The following PLCB4 variants were observed in gnomAD, a reference collection of about 807,000 sequenced individuals.
The protein encoded by PLCB4 is 1-phosphatidylinositol 4,5-bisphosphate phosphodiesterase beta-4.
In PLCB4, 77 loss-of-function variants were observed where a neutral mutation model predicts 178.8. That is an observed-to-expected ratio of 0.43 (90% CI 0.36 to 0.52). The LOEUF is 0.52. PLCB4 is among the 20% of genes least tolerant of loss of function. The pLI is 0.00. For synonymous variants in PLCB4, 496 were observed against 490.8 expected (o/e 1.01, Z -0.14); for missense variants, 1,024 against 1,453.4 (o/e 0.70, Z 4.80).
chr20:9,318,387 A>AGTCCAGGTGG (rs1204118447), intron 4 of PLCB4, among the ~76,000 whole-genome samples: 3 of 152,116 alleles, frequency 2.0e-5, no homozygotes, highest in Admixed American at 2.0e-4. Context: ...GGGGTTGGCA[A>AGTCCAGGTGG]GTCCAGGTGG....
At chr20:9,086,045 T>C (rs976587819) in intron 1 of PLCB4, among the ~76,000 whole-genome samples, 2 of 152,160 alleles carry the variant, frequency 1.3e-5, no homozygotes, top group Admixed American at 1.3e-4. Flanking sequence ...ATTTAAAATG[T>C]GTTAATTATG....
intron 2 of PLCB4, among the ~76,000 whole-genome samples, chr20:9,208,944 C>T (rs1004889444): frequency 1.3e-5 from 2 of 152,188 alleles, no homozygotes; most frequent in Admixed American, 6.5e-5. Context: ...TTGGTTAACA[C>T]CATGTACAAA....
intron 3 of PLCB4, among the ~76,000 whole-genome samples, chr20:9,306,782 G>A (rs2094772512): frequency 6.6e-6 from 1 of 152,186 alleles, no homozygotes; most frequent in South Asian, 2.1e-4. Context: ...TTGCCAACAA[G>A]GATGGGTAAA....
intron 13 of PLCB4, among the ~76,000 whole-genome samples, chr20:9,381,889 T>G (rs2037174267): frequency 6.6e-6 from 1 of 152,110 alleles, no homozygotes; most frequent in Non-Finnish European, 1.5e-5. Context: ...AGCGGCACAG[T>G]TCTCAGATCT....
intron 25 of PLCB4, among the ~76,000 whole-genome samples, chr20:9,416,426 G>C (rs1183851756): frequency 6.6e-6 from 1 of 152,164 alleles, no homozygotes; most frequent in Non-Finnish European, 1.5e-5. Flanking sequence ...TCGGGAGGCA[G>C]AATCCCTCAT....
chr20:9,460,925 C>T (rs2043348604), intron 35 of PLCB4, among the ~76,000 whole-genome samples: 1 of 152,164 alleles, frequency 6.6e-6, no homozygotes, highest in African/African-American at 2.4e-5. Context: ...GCTGTACCCC[C>T]ATGCATTTTA....
intron 28 of PLCB4, among the ~76,000 whole-genome samples, chr20:9,434,210 A>G (rs1218964141): frequency 6.6e-6 from 1 of 152,242 alleles, no homozygotes. Context: ...AATGGTGCAG[A>G]AAACTATGAA....
At chr20:9,187,095 C>G (rs2093339108) in intron 2 of PLCB4, among the ~76,000 whole-genome samples, 1 of 152,090 alleles carries the variant, frequency 6.6e-6, no homozygotes. Flanking sequence ...CTGCCTCAGC[C>G]TCCCTGAGGG....
At chr20:9,074,027 G>A (rs1486130167) in intron 1 of PLCB4, among the ~76,000 whole-genome samples, 2 of 152,182 alleles carry the variant, frequency 1.3e-5, no homozygotes, top group East Asian at 1.9e-4. Flanking sequence ...GGCTGGGTGG[G>A]TGTTTTCACT....
intron 2 of PLCB4, among the ~76,000 whole-genome samples, chr20:9,112,116 G>C (rs945751095): frequency 6.6e-6 from 1 of 152,026 alleles, no homozygotes; most frequent in Non-Finnish European, 1.5e-5. Context: ...TTAACTCTTA[G>C]CATTTCATAA....
intron 25 of PLCB4, among the ~76,000 whole-genome samples, chr20:9,413,901 CCCA>C (rs2040056208): frequency 6.6e-6 from 1 of 152,036 alleles, no homozygotes; most frequent in Non-Finnish European, 1.5e-5. Flanking sequence ...GCTAGGGGTG[CCCA>C]CCACCACACA....
At chr20:9,411,137 C>A in intron 25 of PLCB4, 49 bp downstream of exon 25, 2 of 1,227,552 alleles carry the variant, frequency 1.6e-6, no homozygotes, top group Non-Finnish European at 2.4e-6. Flanking sequence ...GAACTCCATA[C>A]TACAGCTCTA....
At chr20:9,106,227 C>T (rs1448726836) in intron 2 of PLCB4, among the ~76,000 whole-genome samples, 1 of 151,648 alleles carries the variant, frequency 6.6e-6, no homozygotes, top group Non-Finnish European at 1.5e-5. Flanking sequence ...CAAATTAAAC[C>T]AACAGTGGTA....
chr20:9,471,991 G>A (rs958069506), intron 36 of PLCB4, among the ~76,000 whole-genome samples: 8 of 152,184 alleles, frequency 5.3e-5, no homozygotes, highest in African/African-American at 1.4e-4. Flanking sequence ...GCACCCGATC[G>A]TTGTAGCGTT....
intron 28 of PLCB4, among the ~76,000 whole-genome samples, chr20:9,429,389 TG>T (rs1407159049): frequency 2.0e-5 from 3 of 152,036 alleles, no homozygotes; most frequent in Non-Finnish European, 4.4e-5. Context: ...CTAAACTAAA[TG>T]GGAAATAGGC....
At chr20:9,468,542 C>A in intron 35 of PLCB4, 29 bp from the exon 36 acceptor site, 1 of 1,334,194 alleles carries the variant, frequency 7.5e-7, no homozygotes, top group Non-Finnish European at 1.1e-6. Flanking sequence ...TCCCCCCTCC[C>A]TGTTTGTTTT....
chr20:9,129,317 C>A (rs1264403938), intron 2 of PLCB4, among the ~76,000 whole-genome samples: 1 of 152,110 alleles, frequency 6.6e-6, no homozygotes, highest in Non-Finnish European at 1.5e-5. Context: ...TATAACTATA[C>A]CAGGTCCCTT....
chr20:9,136,849 C>T (rs571097269), intron 2 of PLCB4, among the ~76,000 whole-genome samples: 26 of 152,164 alleles, frequency 1.7e-4, no homozygotes, highest in African/African-American at 6.3e-4. Context: ...TTGAGAGTCA[C>T]TCTTCACTTT....
chr20:9,405,046 A>G (rs1428915155), intron 20 of PLCB4, among the ~76,000 whole-genome samples: 3 of 152,220 alleles, frequency 2.0e-5, no homozygotes, highest in Non-Finnish European at 2.9e-5. Flanking sequence ...CCCCATGACT[A>G]AAGCACTAAT....
Sources: gnomAD v4.1 joint callset for allele counts (sites outside exome capture counted in the v4.1 genomes callset) on GRCh38, gnomAD v4.1.1 for gene constraint, MANE v1.5 for transcripts, NCBI Gene and HGNC (gene_info 2026-07-23, HGNC 2026-07-21) for gene names.